ACACA: variants seen among roughly 807,000 people sequenced by gnomAD.
The protein encoded by ACACA is acetyl-CoA carboxylase 1.
Under a neutral mutation model 296.1 loss-of-function variants are expected in ACACA, and 103 were observed. The observed-to-expected ratio is 0.35, with a 90% CI of 0.30 to 0.41. ACACA has a LOEUF of 0.41. Ranked by LOEUF, ACACA falls within the 10% of genes least tolerant of loss-of-function variation. The pLI is 1.00. For missense variants in ACACA, 1,554 were observed against 2,989.7 expected, an observed-to-expected ratio of 0.52 and a Z score of 11.20; for synonymous variants, 953 against 1,038.6, an observed-to-expected ratio of 0.92 and a Z score of 1.58.
intron 10 of ACACA, among the ~76,000 whole-genome samples, chr17:37,268,767 A>G: frequency 7.0e-6 from 1 of 143,784 alleles, no homozygotes; most frequent in East Asian, 2.0e-4. Flanking sequence ...ATATATATAT[A>G]TCTGGTTCAG....
At chr17:37,371,142 C>T (rs1318630294) in intron 1 of ACACA, among the ~76,000 whole-genome samples, 6 of 151,996 alleles carry the variant, frequency 3.9e-5, no homozygotes, top group East Asian at 1.9e-4. Context: ...TGCAATGTCA[C>T]GATCTCGGCT....
At chr17:37,190,837 T>C (rs901147258) in intron 38 of ACACA, among the ~76,000 whole-genome samples, 7 of 152,154 alleles carry the variant, frequency 4.6e-5, no homozygotes, top group African/African-American at 1.7e-4. Context: ...ATAAAATAGG[T>C]ACCAACAAAA....
intron 30 of ACACA, among the ~76,000 whole-genome samples, chr17:37,208,903 C>T (rs756724838): frequency 2.0e-5 from 3 of 152,200 alleles, no homozygotes; most frequent in Non-Finnish European, 2.9e-5. Flanking sequence ...CCTTGAAGTA[C>T]ACCACCTGCG....
At chr17:37,246,342 T>C (rs1409519045) in intron 19 of ACACA, among the ~76,000 whole-genome samples, 3 of 152,248 alleles carry the variant, frequency 2.0e-5, no homozygotes, top group Non-Finnish European at 4.4e-5. Flanking sequence ...CCTATGTGTT[T>C]TAAAAATCTT....
chr17:37,117,590 G>A (rs976256027), intron 50 of ACACA, among the ~76,000 whole-genome samples: 7 of 152,096 alleles, frequency 4.6e-5, no homozygotes, highest in African/African-American at 9.6e-5. Context: ...TTGCCGGTTC[G>A]TCTAAATAAA....
chr17:37,174,791 A>G (rs778591302), intron 41 of ACACA, among the ~76,000 whole-genome samples: 2 of 152,054 alleles, frequency 1.3e-5, no homozygotes, highest in Admixed American at 6.5e-5. Context: ...TCAGCCTCCC[A>G]AAGTGCTGGG....
At chr17:37,279,831 A>T (rs2082432854) in intron 5 of ACACA, among the ~76,000 whole-genome samples, 1 of 152,114 alleles carries the variant, frequency 6.6e-6, no homozygotes, top group Non-Finnish European at 1.5e-5. Flanking sequence ...CTCAAAGACA[A>T]CCAGTTTATG....
chr17:37,390,271 A>AATTATATATTATACATAATT (rs1555672194), intron 1 of ACACA, among the ~76,000 whole-genome samples: 1 of 51,026 alleles, frequency 2.0e-5, no homozygotes, highest in Non-Finnish European at 3.2e-5. Flanking sequence ...AATTATATAT[A>AATTATATATTATACATAATT]ATATATTATA....
At chr17:37,132,422 C>G (rs1409546405) in intron 45 of ACACA, among the ~76,000 whole-genome samples, 1 of 152,200 alleles carries the variant, frequency 6.6e-6, no homozygotes, top group African/African-American at 2.4e-5. Flanking sequence ...TCTGATCTGG[C>G]TCTGGTTTTA....
rs571769240 is a variant in ACACA at position 37,348,940 on chromosome 17, C to A, written c.39-9090G>T. Reference sequence around the variant, plus strand: ...CTCCAGCCTGGGCGACAGAGTGAGACTCCGTCTCAAAAAAAAAAAAAAAAC... The same window carrying A: ...CTCCAGCCTGGGCGACAGAGTGAGAATCCGTCTCAAAAAAAAAAAAAAAAC... On this transcript the variant is annotated intron_variant, in intron 1 of 55. Transcript: ENST00000616317. 4.4e-4 allele frequency among the ~76,000 whole-genome samples: 64 copies of A among 145,166 alleles called. No individual in the cohort carries two copies. The South Asian group carries it at 0.014, about 31-fold the overall frequency.
rs768972582 is a variant in ACACA at position 37,339,866 on chromosome 17, A to G, written c.39-16T>C. On this transcript the variant is annotated splice_polypyrimidine_tract_variant and intron_variant, in intron 1 of 55. Transcript: ENST00000616317. ...CCAAAAAGACCTAGAGAGAAAGAGA[A>G]AGATTTTAAGGTTTTTTTTTTTAAG... 5 of 1,156,528 alleles carry G rather than the reference A, an allele frequency of 4.3e-6. No homozygotes were observed. The highest frequency in any genetic ancestry group is 3.3e-5 in the African/African-American group (2 of 61,436). The allele number at this position is 1,156,528 out of a possible 1,614,324, so 71.6% of individuals were successfully genotyped here. A position where few individuals can be genotyped will look rare whatever the true frequency, so the allele number is the denominator to read the frequency against.
chr17:37,097,916 G>A lies in ACACA; in HGVS notation c.6634C>T (p.Leu2212=), dbSNP rs148586245. The change falls in exon 53 of 56, where the codon CTA becomes TTA. Residue 2212 remains leucine, a synonymous_variant. Transcript: ENST00000616317. The surrounding 1 kb of genome is among the most constrained non-coding windows in gnomAD (Gnocchi z 4.8). ...ENKLKEREEF[L]IPIYHQVAVQ... is the part of the protein sequence containing the mutation. The stretch of plus-strand genomic sequence containing the variant: ...GCTACCTGATGGTAAATGGGAATTA[G>A]GAATTCCTCCCGCTCCTTCAACTTG... The A allele has an allele frequency of 1.8e-3, 2,888 of 1,614,154 alleles. 7 individuals carry two copies. The highest frequency in any genetic ancestry group is 2.4e-3 in the Non-Finnish European group (2,783 of 1,180,030).
chr17:37,338,977 G>GAGGGAAAAGGGGAAAAGGT (rs2048264594), intron 2 of ACACA, among the ~76,000 whole-genome samples: 1 of 151,828 alleles, frequency 6.6e-6, no homozygotes, highest in African/African-American at 2.4e-5. Context: ...GGCAGAGAGG[G>GAGGGAAAAGGGGAAAAGGT]AGGGAAAAGG....
chr17:37,312,044 A>T (rs1432157812), intron 3 of ACACA, among the ~76,000 whole-genome samples: 1 of 152,134 alleles, frequency 6.6e-6, no homozygotes, highest in African/African-American at 2.4e-5. Flanking sequence ...TGAGGCCAGG[A>T]GTTTGAGACC....
At chr17:37,114,422 A>C (rs1162166752) in intron 50 of ACACA, among the ~76,000 whole-genome samples, 1 of 151,672 alleles carries the variant, frequency 6.6e-6, no homozygotes, top group African/African-American at 2.4e-5. Flanking sequence ...AGTCCCAGCA[A>C]CCCAGGAGGG....
intron 1 of ACACA, among the ~76,000 whole-genome samples, chr17:37,393,555 A>G (rs1023962746): frequency 6.6e-6 from 1 of 152,070 alleles, no homozygotes; most frequent in African/African-American, 2.4e-5. Flanking sequence ...CAAGAGTATA[A>G]TTGGAGGCCG....
intron 1 of ACACA, among the ~76,000 whole-genome samples, chr17:37,350,288 A>G (rs1306139774): frequency 6.6e-6 from 1 of 151,598 alleles, no homozygotes; most frequent in East Asian, 1.9e-4. Flanking sequence ...CCATAATTGC[A>G]CCACTGTACT....
Position 37,089,019 on chromosome 17 carries a change from G to A in ACACA, c.6947C>T (p.Thr2316Ile), listed in dbSNP as rs148363467. 3.7e-6 allele frequency: 6 copies of A among 1,613,992 alleles called. No homozygotes were observed. Among genetic ancestry groups the A allele is most frequent in the Non-Finnish European group, 1.7e-6 (2 of 1,180,024 alleles). Residue 2316 changes from threonine (T) to isoleucine (I), a missense_variant, in exon 55 of 56, where the codon ACA becomes ATA. By Grantham distance (89) the Thr-to-Ile change is moderately conservative. Coordinates refer to ENST00000616317, the MANE Select transcript of ACACA (RefSeq NM_198834.3). ...TACCGAGTGAACACCATCCTCCTCTGTCAGCTGTTTCTCTAGCCACTCCGC... is the reference window on the plus strand; with the variant it reads ...TACCGAGTGAACACCATCCTCCTCTATCAGCTGTTTCTCTAGCCACTCCGC... ...DLAEWLEKQL[T>I]EEDGVHSVIE...
At position 37,149,744 on chromosome 17, in the gene ACACA, G is replaced by A. The variant is rs114823453; in HGVS notation, c.5679+120C>T. 1.3e-4 allele frequency: 108 copies of A among 836,164 alleles called. No individual in the cohort carries two copies. In the African/African-American group the frequency reaches 1.5e-3, roughly 12 times the overall value. The allele number at this position is 836,164 out of a possible 1,614,324, so 51.8% of individuals were successfully genotyped here. On this transcript the variant is annotated intron_variant, in intron 45 of 55. Transcript: ENST00000616317. ...CAGAAAAGATGGAGGGAGAGGGGAAGAGATAGACTGAGGAAGGCACGGATT... is the reference window on the plus strand; with the variant it reads ...CAGAAAAGATGGAGGGAGAGGGGAAAAGATAGACTGAGGAAGGCACGGATT...
Sources: allele counts gnomAD v4.1 joint callset (sites outside exome capture counted in the v4.1 genomes callset), GRCh38; gene constraint gnomAD v4.1.1; non-coding constraint Gnocchi (gnomAD v3.1); transcripts MANE v1.5; gene names NCBI Gene and HGNC (gene_info 2026-07-23, HGNC 2026-07-21).